SERINC5: variants seen among roughly 807,000 people sequenced by gnomAD.
SERINC5 encodes chromosome 5 open reading frame 12.
In SERINC5, 41 loss-of-function variants were observed where a neutral mutation model predicts 63.1. The observed-to-expected ratio is 0.65, with a 90% CI of 0.51 to 0.84. The LOEUF (loss-of-function observed/expected upper bound fraction) is 0.84, where lower values mean the gene tolerates loss of function less well. SERINC5 is among the 40% of genes least tolerant of loss of function. SERINC5 has a pLI of 0.00. For missense variants in SERINC5, 523 were observed against 573.0 expected (o/e 0.91, Z 0.89); for synonymous variants, 222 against 215.2 (o/e 1.03, Z -0.28).
At chr5:80,194,020 G>A (rs1375287144) in intron 2 of SERINC5, among the ~76,000 whole-genome samples, 1 of 152,114 alleles carries the variant, frequency 6.6e-6, no homozygotes, top group Non-Finnish European at 1.5e-5. Flanking sequence ...TTCTACAATG[G>A]GCTTGAGGTT....
chr5:80,237,194 G>T (rs955317774), intron 1 of SERINC5, among the ~76,000 whole-genome samples: 2 of 152,230 alleles, frequency 1.3e-5, no homozygotes, highest in South Asian at 4.1e-4. Flanking sequence ...GGTAGTAAAG[G>T]CAGGGGCAGT....
intron 1 of SERINC5, among the ~76,000 whole-genome samples, chr5:80,215,541 A>G (rs1392986940): frequency 6.6e-6 from 1 of 152,224 alleles, no homozygotes; most frequent in East Asian, 1.9e-4. Context: ...TAGACTAGAA[A>G]TATGCTCTTA....
chr5:80,190,106 C>CTTTTTTT (rs11422784), intron 2 of SERINC5, among the ~76,000 whole-genome samples: 4 of 93,242 alleles, frequency 4.3e-5, no homozygotes, highest in South Asian at 3.6e-4. Flanking sequence ...GTCTCCCGTA[C>CTTTTTTT]TTTTTTTTTT....
At position 80,117,958 on chromosome 5, in the gene SERINC5, G is replaced by A. The variant is rs1239764012; in HGVS notation, c.1239-4333C>T. Among the ~76,000 whole-genome samples, 9 of 151,764 alleles carry A rather than the reference G, an allele frequency of 5.9e-5. No individual in the cohort carries two copies. The East Asian group carries it at 1.7e-3, about 29-fold the overall frequency. On this transcript the variant is annotated intron_variant, in intron 11 of 12. Coordinates refer to the SERINC5 transcript ENST00000509193. Reference sequence around the variant, plus strand: ...TGGCTCATGCCTGTAATCCCAGCATGTTGGGAGGCCGAGGTGGGCAGATCA... The same window carrying A: ...TGGCTCATGCCTGTAATCCCAGCATATTGGGAGGCCGAGGTGGGCAGATCA...
At chr5:80,150,428 A>C (rs1442540254) in intron 9 of SERINC5, among the ~76,000 whole-genome samples, 1 of 152,016 alleles carries the variant, frequency 6.6e-6, no homozygotes, top group Non-Finnish European at 1.5e-5. Flanking sequence ...GAAAGCATTT[A>C]TTTTTCTTTT....
At chr5:80,138,423 C>A (rs1745302233), downstream of SERINC5, among the ~76,000 whole-genome samples, 2 of 151,972 alleles carry the variant, frequency 1.3e-5, no homozygotes, top group Admixed American at 1.3e-4. Context: ...TGGCAAAACC[C>A]CATCTCTACT....
intron 1 of SERINC5, among the ~76,000 whole-genome samples, chr5:80,220,852 G>A (rs1199684595): frequency 6.6e-6 from 1 of 152,132 alleles, no homozygotes. Flanking sequence ...GGGAGATGGA[G>A]GAGCCTGCTG....
At chr5:80,197,977 C>T (rs1359098137) in intron 2 of SERINC5, among the ~76,000 whole-genome samples, 4 of 152,024 alleles carry the variant, frequency 2.6e-5, no homozygotes, top group Non-Finnish European at 5.9e-5. Context: ...GTAGCTGGGA[C>T]TACAGGTGCA....
chr5:80,227,701 C>T (rs1331163959), intron 1 of SERINC5, among the ~76,000 whole-genome samples: 1 of 151,618 alleles, frequency 6.6e-6, no homozygotes, highest in Admixed American at 6.6e-5. Flanking sequence ...AATTCAAAAA[C>T]TAGCCAGGGT....
chr5:80,127,189 G>C (rs1433373630), intron 11 of SERINC5, among the ~76,000 whole-genome samples: 1 of 152,196 alleles, frequency 6.6e-6, no homozygotes, highest in Admixed American at 6.5e-5. Context: ...ATCAGCCTTA[G>C]AGATGTGGTT....
chr5:80,121,649 C>G (rs1744547070), intron 11 of SERINC5, among the ~76,000 whole-genome samples: 1 of 152,056 alleles, frequency 6.6e-6, no homozygotes, highest in Non-Finnish European at 1.5e-5. Context: ...ATACCTGAGA[C>G]TGGGTAATTT....
chr5:80,147,464 G>A (rs980291732), intron 9 of SERINC5, among the ~76,000 whole-genome samples, 180 bp from the exon 10 acceptor site: 2 of 152,216 alleles, frequency 1.3e-5, no homozygotes, highest in African/African-American at 4.8e-5. Context: ...GTGCCACAGA[G>A]ATCCTCATCC....
intron 2 of SERINC5, among the ~76,000 whole-genome samples, chr5:80,191,028 C>G (rs1040499048): frequency 2.0e-5 from 3 of 151,900 alleles, no homozygotes; most frequent in African/African-American, 7.3e-5. Context: ...TAGGCCCCAG[C>G]AGACCAGACC....
intron 1 of SERINC5, among the ~76,000 whole-genome samples, chr5:80,242,900 A>G (rs1024600649): frequency 6.6e-6 from 1 of 152,202 alleles, no homozygotes; most frequent in Admixed American, 6.5e-5. Context: ...TCCAGCCTAA[A>G]TGACAGAGCA....
chr5:80,115,648 T>C (rs1744297955), intron 11 of SERINC5, among the ~76,000 whole-genome samples: 1 of 152,062 alleles, frequency 6.6e-6, no homozygotes, highest in Admixed American at 6.5e-5. Flanking sequence ...TGAATAAAAA[T>C]TTCCTGAGTT....
chr5:80,175,156 T>C (rs1747949095), intron 4 of SERINC5, 109 bp from the exon 5 acceptor site: 1 of 649,710 alleles, frequency 1.5e-6, no homozygotes, highest in South Asian at 2.1e-5. Flanking sequence ...CTAACATATT[T>C]GTCACACAAC....
At chr5:80,212,809 T>C (rs1171550811) in intron 1 of SERINC5, among the ~76,000 whole-genome samples, 3 of 152,236 alleles carry the variant, frequency 2.0e-5, no homozygotes, top group African/African-American at 4.8e-5. Flanking sequence ...AGGAGTGTTT[T>C]ACTGAACAAA....
chr5:80,205,163 T>C (rs1031553837), intron 1 of SERINC5, among the ~76,000 whole-genome samples: 5 of 152,196 alleles, frequency 3.3e-5, no homozygotes, highest in African/African-American at 1.2e-4. Flanking sequence ...GGCAAACAGC[T>C]ACAGAGATGA....
At chr5:80,125,889 C>T (rs781266207) in intron 11 of SERINC5, among the ~76,000 whole-genome samples, 1 of 152,046 alleles carries the variant, frequency 6.6e-6, no homozygotes, top group Non-Finnish European at 1.5e-5. Context: ...AAAGCAAGAT[C>T]GAGAGAGAAA....
Sources: gnomAD v4.1 joint callset for allele counts (sites outside exome capture counted in the v4.1 genomes callset) on GRCh38, gnomAD v4.1.1 for gene constraint, MANE v1.5 for transcripts, NCBI Gene and HGNC (gene_info 2026-07-23, HGNC 2026-07-21) for gene names.